The following FAM47A variants were observed in gnomAD, a reference collection of about 807,000 sequenced individuals.
FAM47A encodes the protein family with sequence similarity 47 member A.
A neutral mutation model predicts 2.6 loss-of-function variants in FAM47A; 1 was observed. The observed-to-expected ratio is 0.39, with a 90% CI of 0.14 to 1.83. The LOEUF is 1.83. FAM47A is among the 40% of genes most tolerant of loss of function. The probability of loss-of-function intolerance (pLI) is 0.32; values close to 1 mark genes in which losing one functional copy is unlikely to be tolerated. For synonymous variants in FAM47A, 278 were observed against 270.1 expected (o/e 1.03, Z -0.29); for missense variants, 657 against 673.1 (o/e 0.98, Z 0.26).
In FAM47A at chrX:34,130,949, G is replaced by C. The variant is rs772490672; in HGVS notation, c.1330C>G (p.Arg444Gly). ...GTTTTCTTCACCCGGGCCTCACAAC[G>C]ATCCCATACGTCCTTCAGCGTCCTC... The part of the protein sequence containing the change: ...SGRTLKDVWD[R>G]CEARVKKTKE... Residue 444 changes from arginine to glycine, a missense_variant, in exon 1 of 1, where the codon CGT (arginine) becomes GGT (glycine). This residue lies in a region of FAM47A where 436 missense variants were observed against 414.1 expected (regional missense o/e 1.05). Transcript: ENST00000346193. 8.3e-7 allele frequency: 1 copy of C among 1,204,704 alleles called. No homozygotes were observed. Among genetic ancestry groups the C allele is most frequent in the Non-Finnish European group, 1.1e-6 (1 of 891,832 alleles).
chrX:34,131,576 G>A lies in FAM47A; in HGVS notation c.703C>T (p.Leu235Phe). 1.7e-6 allele frequency: 2 copies of A among 1,183,411 alleles called. No homozygotes were observed. The highest frequency in any genetic ancestry group is 2.2e-5 in the Admixed American group (1 of 45,211). ...CCAGTCTCTGGAGGCTCCGGGCGGA[G>A]ATGGGACACTCCAGTCTCAGGAGGC... The part of the protein sequence containing the change: ...PEPPETGVSH[L>F]RPEPPETGVS... The change falls in exon 1 of 1, where the codon CTC becomes TTC. Residue 235 changes from leucine (L) to phenylalanine (F), a missense_variant. Leu to Phe is a conservative substitution (Grantham distance 22). Transcript: ENST00000346193.
rs773389097 is a variant in FAM47A, at chrX:34,131,753, G to A, written c.526C>T (p.Pro176Ser). 1.4e-5 allele frequency: 17 copies of A among 1,206,621 alleles called. No homozygotes were observed. The highest frequency in any genetic ancestry group is 1.6e-5 in the Non-Finnish European group (14 of 893,828). Residue 176 changes from proline (P) to serine (S), a missense_variant, in exon 1 of 1, where the codon CCC becomes TCC. Coordinates refer to ENST00000346193, the MANE Select transcript of FAM47A (RefSeq NM_203408.4). ...CAGGGATGTTTACCAGGCTCAGTGG[G>A]TACCTCTGTTGTCTTCTCCTGGGTC... ...CETQEKTTEV[P>S]TEPGKHPCGE... is the part of the protein sequence containing the mutation.
chrX:34,130,720 TCC>T lies in FAM47A; in HGVS notation c.1557_1558del (p.Glu520AlafsTer77). On this transcript the variant is annotated frameshift_variant, in exon 1 of 1. Transcript: ENST00000346193. LOFTEE classifies it low-confidence loss of function (END_TRUNC). ...GGACGTCCGACGAGTCTTGGGAGGC[TCC>T]GAGCGGAGACTGGACGTCCGACGAG... The T allele has an allele frequency of 1.0e-5, 11 of 1,052,090 alleles. No homozygotes were observed. Among genetic ancestry groups the T allele is most frequent in the Middle Eastern group, 2.9e-4 (1 of 3,480 alleles). The allele number at this position is 1,052,090 out of a possible 1,213,427, so 86.7% of individuals were successfully genotyped here.
chrX:34,130,448 A>G lies in FAM47A; in HGVS notation c.1831T>C (p.Phe611Leu). The change falls in exon 1 of 1, where the codon TTC becomes CTC. Residue 611 changes from phenylalanine to leucine, a missense_variant. Physicochemically the swap from Phe to Leu is conservative, Grantham distance 22. This residue lies in a region of FAM47A where 198 missense variants were observed against 203.4 expected (regional missense o/e 0.97). Coordinates refer to ENST00000346193, the MANE Select transcript of FAM47A (RefSeq NM_203408.4). ...YRYTSEKLREFFKWAGDLGAD... is the reference protein window; with the variant it reads ...YRYTSEKLRELFKWAGDLGAD... The stretch of plus-strand genomic sequence containing the variant: ...CCCAGGTCTCCAGCCCACTTGAAGA[A>G]TTCACGGAGTTTTTCCGATGTGTAT... 8.3e-7 allele frequency: 1 copy of G among 1,211,366 alleles called. No homozygotes were observed. The highest frequency in any genetic ancestry group is 1.1e-6 in the Non-Finnish European group (1 of 895,445).
chrX:34,132,257 C>CA lies in FAM47A; in HGVS notation c.21_22insT (p.Asp8Ter), dbSNP rs1333515270. On this transcript the variant is annotated frameshift_variant, in exon 1 of 1. Transcript: ENST00000346193. LOFTEE classifies it low-confidence loss of function (END_TRUNC). ...TCCATGCCCGGGGACCTCAGCCAGT[C>CA]CTGCAGCCTCTGGTCCCCCATGGTG... is the stretch of plus-strand genomic sequence containing the variant. 8.5e-7 allele frequency: 1 copy of CA among 1,173,653 alleles called. No homozygotes were observed. Among genetic ancestry groups the CA allele is most frequent in the Admixed American group, 2.5e-5 (1 of 39,915 alleles).
rs773693650 is a variant in FAM47A at position 34,130,958 on chromosome X, C to T, written c.1321G>A (p.Val441Ile). 9.2e-6 allele frequency: 11 copies of T among 1,200,332 alleles called. No homozygotes were observed. The highest frequency in any genetic ancestry group is 3.5e-5 in the African/African-American group (2 of 56,593). ...VLDSGRTLKDVWDRCEARVKK... is the reference protein window; with the variant it reads ...VLDSGRTLKDIWDRCEARVKK... ...ACCCGGGCCTCACAACGATCCCATA[C>T]GTCCTTCAGCGTCCTCCCAGAATCC... Residue 441 changes from valine to isoleucine, a missense_variant, in exon 1 of 1, where the codon GTA (valine) becomes ATA (isoleucine). This residue lies in a region of FAM47A where 436 missense variants were observed against 414.1 expected (regional missense o/e 1.05). Transcript: ENST00000346193.
rs1922478544 is a variant in FAM47A at position 34,131,551 on chromosome X, C to G, written c.728G>C (p.Gly243Ala). ...SHLRPEPPET[G>A]VSHIRPGPPI... is the part of the protein sequence containing the mutation. ...AGGCCCCGGGCGGATATGGGACACTCCAGTCTCTGGAGGCTCCGGGCGGAG... is the reference window on the plus strand; with the variant it reads ...AGGCCCCGGGCGGATATGGGACACTGCAGTCTCTGGAGGCTCCGGGCGGAG... The change falls in exon 1 of 1, where the codon GGA becomes GCA. Residue 243 changes from glycine to alanine, a missense_variant. This residue lies in a region of FAM47A where 436 missense variants were observed against 414.1 expected (regional missense o/e 1.05). Transcript: ENST00000346193. 2 of 1,181,907 alleles carry G rather than the reference C, an allele frequency of 1.7e-6. No homozygotes were observed. The highest frequency in any genetic ancestry group is 3.0e-5 in the East Asian group (1 of 33,551).
Position 34,130,166 on chromosome X carries a change from A to C in FAM47A, c.2113T>G (p.Trp705Gly), listed in dbSNP as rs1310579729. 8.3e-7 allele frequency: 1 copy of C among 1,210,237 alleles called. No homozygotes were observed. The highest frequency in any genetic ancestry group is 1.1e-6 in the Non-Finnish European group (1 of 895,324). ...GGTTCATCACTTCTTAGCTTTTTCC[A>C]CAACTTAGGCTTGAGGTACCATGCT... The part of the protein sequence containing the change: ...YGAWYLKPKL[W>G]KKLRSDEPLI... Residue 705 changes from tryptophan to glycine, a missense_variant, in exon 1 of 1, where the codon TGG becomes GGG. Physicochemically the swap from Trp to Gly is radical, Grantham distance 184. Around this residue, in one of 3 missense-constraint regions of FAM47A, gnomAD observed 198 missense variants for 203.4 expected, o/e 0.97. Transcript: ENST00000346193.
rs778064079 is a variant in FAM47A, at chrX:34,131,128, A to C, written c.1151T>G (p.Val384Gly). The part of the protein sequence containing the change: ...SLHAEPSKTG[V>G]SHLSPEPPKT... ...GGGAGGCTCCGGGCTGAGATGGGAC[A>C]CTCCAGTCTTGGAAGGCTCCGCGTG... The change falls in exon 1 of 1, where the codon GTG (valine) becomes GGG (glycine). Residue 384 changes from valine to glycine, a missense_variant. Physicochemically the swap from Val to Gly is moderately radical, Grantham distance 109. This residue lies in a region of FAM47A where 436 missense variants were observed against 414.1 expected (regional missense o/e 1.05). Coordinates refer to ENST00000346193, the MANE Select transcript of FAM47A (RefSeq NM_203408.4). The C allele has an allele frequency of 4.2e-6, 5 of 1,189,955 alleles. No homozygotes were observed. The South Asian group carries it at 7.3e-5, about 17-fold the overall frequency.
rs766609741 is a variant in FAM47A at position 34,130,361 on chromosome X, C to T, written c.1918G>A (p.Glu640Lys). ...DFTPKYRATH[E>K]DQKFKKVKEC... Reference sequence around the variant, plus strand: ...TTTACTTTCTTAAACTTTTGGTCCTCATGGGTTGCTCTGTACTTGGGGGTA... The same window carrying T: ...TTTACTTTCTTAAACTTTTGGTCCTTATGGGTTGCTCTGTACTTGGGGGTA... The change falls in exon 1 of 1, where the codon GAG becomes AAG. Residue 640 changes from glutamate (E) to lysine (K), a missense_variant. By Grantham distance (56) the Glu-to-Lys change is moderately conservative (BLOSUM62 1). Around this residue, in one of 3 missense-constraint regions of FAM47A, gnomAD observed 198 missense variants for 203.4 expected, o/e 0.97. Coordinates refer to ENST00000346193, the MANE Select transcript of FAM47A (RefSeq NM_203408.4). 4 of 1,211,804 alleles carry T rather than the reference C, an allele frequency of 3.3e-6. No individual in the cohort carries two copies. Among genetic ancestry groups the T allele is most frequent in the Non-Finnish European group, 4.5e-6 (4 of 895,600 alleles).
Position 34,131,950 on chromosome X carries a change from G to A in FAM47A, c.329C>T (p.Ala110Val), listed in dbSNP as rs1922496311. The A allele has an allele frequency of 1.7e-6, 2 of 1,211,485 alleles. No individual in the cohort carries two copies. Among genetic ancestry groups the A allele is most frequent in the Non-Finnish European group, 2.2e-6 (2 of 895,455 alleles). The change falls in exon 1 of 1, where the codon GCC (alanine) becomes GTC (valine). Residue 110 changes from alanine (A) to valine (V), a missense_variant. Physicochemically the swap from Ala to Val is moderately conservative, Grantham distance 64. Around this residue, in one of 3 missense-constraint regions of FAM47A, gnomAD observed 436 missense variants for 414.1 expected, o/e 1.05. Coordinates refer to ENST00000346193, the MANE Select transcript of FAM47A (RefSeq NM_203408.4). ...TACGAACGCCTTCCGTGCTAGCTGG[G>A]CTGGAGAGAGCTTGGAAAATAGGGC... The part of the protein sequence containing the change: ...KAALFSKLSP[A>V]QLARKAFVEQ...
Position 34,132,213 on chromosome X carries a change from A to G in FAM47A, c.66T>C (p.Cys22=). ...CGAAGCACTTGGAAGGCCGTTTGTT[A>G]CAGTACCAGGGCTTGGAGTCCATGC... ...SPGMDSKPWY[C]NKRPSKCFAK... is the part of the protein sequence containing the mutation. The change falls in exon 1 of 1, where the codon TGT becomes TGC. Residue 22 remains cysteine (C), a synonymous_variant. Coordinates refer to ENST00000346193, the MANE Select transcript of FAM47A (RefSeq NM_203408.4). 8.3e-7 allele frequency: 1 copy of G among 1,207,376 alleles called. No individual in the cohort carries two copies. The highest frequency in any genetic ancestry group is 1.1e-6 in the Non-Finnish European group (1 of 893,420).
At position 34,131,828 on chromosome X, in the gene FAM47A, T is replaced by G; in HGVS notation, c.451A>C (p.Lys151Gln). ...AGCTCCCTCTCAGGATCCAGGTGTT[T>G]CAGCACCTGTAGTAGGAGATCTGGA... ...MPPDLLLQVL[K>Q]HLDPERELED... Residue 151 changes from lysine (K) to glutamine (Q), a missense_variant, in exon 1 of 1, where the codon AAA (lysine) becomes CAA (glutamine). This residue lies in a region of FAM47A where 436 missense variants were observed against 414.1 expected (regional missense o/e 1.05). Transcript: ENST00000346193. 8.3e-7 allele frequency: 1 copy of G among 1,211,119 alleles called. No homozygotes were observed.
Position 34,130,211 on chromosome X carries a change from G to T in FAM47A, c.2068C>A (p.Arg690Ser). 1 of 1,211,606 alleles carries T rather than the reference G, an allele frequency of 8.3e-7. No individual in the cohort carries two copies. The highest frequency in any genetic ancestry group is 1.1e-6 in the Non-Finnish European group (1 of 895,518). ...HTPSNSYTAQ[R>S]VKMKYGAWYL... ...CATGCTCCATACTTCATCTTCACAC[G>T]CTGTGCGGTATAAGAATTCGATGGC... The change falls in exon 1 of 1, where the codon CGT (arginine) becomes AGT (serine). Residue 690 changes from arginine to serine, a missense_variant. Coordinates refer to ENST00000346193, the MANE Select transcript of FAM47A (RefSeq NM_203408.4).
At position 34,132,231 on chromosome X, in the gene FAM47A, G is replaced by C. The variant is rs1407045386; in HGVS notation, c.48C>G (p.Asp16Glu). 8.4e-7 allele frequency: 1 copy of C among 1,194,685 alleles called. No individual in the cohort carries two copies. Residue 16 changes from aspartate (D) to glutamate (E), a missense_variant, in exon 1 of 1, where the codon GAC (aspartate) becomes GAG (glutamate). Coordinates refer to ENST00000346193, the MANE Select transcript of FAM47A (RefSeq NM_203408.4). ...GTTTGTTACAGTACCAGGGCTTGGA[G>C]TCCATGCCCGGGGACCTCAGCCAGT... ...LQDWLRSPGM[D>E]SKPWYCNKRP...
rs1226888172 is a variant in FAM47A, at chrX:34,132,270, G to A, written c.9C>T (p.Asp3=). 8.6e-7 allele frequency: 1 copy of A among 1,163,124 alleles called. No individual in the cohort carries two copies. The highest frequency in any genetic ancestry group is 2.6e-5 in the Admixed American group (1 of 37,851). MG[D]QRLQDWLRSP... ...ACCTCAGCCAGTCCTGCAGCCTCTGGTCCCCCATGGTGGCCCTCGCTGTGG... is the reference window on the plus strand; with the variant it reads ...ACCTCAGCCAGTCCTGCAGCCTCTGATCCCCCATGGTGGCCCTCGCTGTGG... The change falls in exon 1 of 1, where the codon GAC becomes GAT. Residue 3 remains aspartate, a synonymous_variant. Transcript: ENST00000346193.
chrX:34,131,631 G>C lies in FAM47A; in HGVS notation c.648C>G (p.Pro216=), dbSNP rs1240459869. 4 of 1,206,038 alleles carry C rather than the reference G, an allele frequency of 3.3e-6. No homozygotes were observed. Among genetic ancestry groups the C allele is most frequent in the Non-Finnish European group, 4.5e-6 (4 of 893,328 alleles). The change falls in exon 1 of 1, where the codon CCC becomes CCG. Residue 216 remains proline (P), a synonymous_variant. Transcript: ENST00000346193. ...GGCGGAGACTGGACACCGGAGTCTT[G>C]GGAGGCTCCGGGCTTAGATGGGACA... The part of the protein sequence containing the change: ...TGVSHLSPEP[P]KTPVSSLRPE...
In FAM47A at chrX:34,130,211, G is replaced by A. The variant is rs1283188238; in HGVS notation, c.2068C>T (p.Arg690Cys). Reference protein sequence around the residue: ...HTPSNSYTAQRVKMKYGAWYL... With the variant: ...HTPSNSYTAQCVKMKYGAWYL... Reference sequence around the variant, plus strand: ...CATGCTCCATACTTCATCTTCACACGCTGTGCGGTATAAGAATTCGATGGC... The same window carrying A: ...CATGCTCCATACTTCATCTTCACACACTGTGCGGTATAAGAATTCGATGGC... The change falls in exon 1 of 1, where the codon CGT (arginine) becomes TGT (cysteine). Residue 690 changes from arginine to cysteine, a missense_variant. This residue lies in a region of FAM47A where 198 missense variants were observed against 203.4 expected (regional missense o/e 0.97). Coordinates refer to ENST00000346193, the MANE Select transcript of FAM47A (RefSeq NM_203408.4). The A allele has an allele frequency of 3.3e-6, 4 of 1,210,152 alleles. No homozygotes were observed. Among genetic ancestry groups the A allele is most frequent in the African/African-American group, 3.5e-5 (2 of 57,199 alleles).
Position 34,130,441 on chromosome X carries a change from T to C in FAM47A, c.1838A>G (p.Lys613Arg). 1.7e-6 allele frequency: 2 copies of C among 1,211,445 alleles called. No homozygotes were observed. The highest frequency in any genetic ancestry group is 2.2e-6 in the Non-Finnish European group (2 of 895,444). ...ATCAGCTCCCAGGTCTCCAGCCCAC[T>C]TGAAGAATTCACGGAGTTTTTCCGA... ...YTSEKLREFFKWAGDLGADEE... is the reference protein window; with the variant it reads ...YTSEKLREFFRWAGDLGADEE... The change falls in exon 1 of 1, where the codon AAG becomes AGG. Residue 613 changes from lysine (K) to arginine (R), a missense_variant. Transcript: ENST00000346193.
Sources: gnomAD v4.1 joint callset for allele counts on GRCh38, gnomAD v4.1.1 for gene constraint, gnomAD v4.1.1 regional missense constraint, MANE v1.5 for transcripts, NCBI Gene and HGNC (gene_info 2026-07-23, HGNC 2026-07-21) for gene names.